DLG2: variants seen among roughly 807,000 people sequenced by gnomAD.
DLG2 encodes the protein disks large homolog 2.
Under a neutral mutation model 132.5 loss-of-function variants are expected in DLG2, and 45 were observed. The ratio of observed to expected loss-of-function variants is 0.34; its 90% CI spans 0.27 to 0.44. DLG2 has a LOEUF of 0.44. Among genes scored for constraint, DLG2 ranks in the 20% least tolerant of loss-of-function variants. DLG2 has a pLI of 1.00. For synonymous variants in DLG2, 424 were observed against 419.6 expected (o/e 1.01, Z -0.13); for missense variants, 1,045 against 1,196.9 (o/e 0.87, Z 1.87).
At chr11:84,538,477 G>A (rs1391891207) in intron 6 of DLG2, among the ~76,000 whole-genome samples, 5 of 152,120 alleles carry the variant, frequency 3.3e-5, no homozygotes, top group African/African-American at 1.2e-4. Context: ...CATACCTCAC[G>A]GTGAGACAAA....
At chr11:84,924,128 G>T (rs989156711) in intron 6 of DLG2, among the ~76,000 whole-genome samples, 2 of 152,060 alleles carry the variant, frequency 1.3e-5, no homozygotes, top group African/African-American at 4.8e-5. Flanking sequence ...ACATCCGTCA[G>T]ATCCTTCTAT....
At chr11:85,471,040 A>G (rs1342008413) in intron 3 of DLG2, among the ~76,000 whole-genome samples, 1 of 152,194 alleles carries the variant, frequency 6.6e-6, no homozygotes. Context: ...TTGAAAGACT[A>G]GGTTTCTCTC....
chr11:85,063,440 A>G (rs2064403077), intron 6 of DLG2, among the ~76,000 whole-genome samples: 1 of 151,838 alleles, frequency 6.6e-6, no homozygotes. Flanking sequence ...GGAGCAGTAA[A>G]TCTTCTACAC....
intron 6 of DLG2, chr11:85,021,357 T>C (rs2060048531): frequency 1.5e-6 from 2 of 1,310,334 alleles, no homozygotes; most frequent in Non-Finnish European, 2.2e-6. Context: ...GTGCTGCAGA[T>C]CGTTTCACAC....
Position 85,425,509 on chromosome 11 carries a change from T to A in DLG2, c.41-140144A>T, listed in dbSNP as rs184131296. Among the ~76,000 whole-genome samples the A allele has an allele frequency of 7.5e-4, 114 of 152,270 alleles. 2 individuals are homozygous for A. The East Asian group carries it at 0.018, about 24-fold the overall frequency. On this transcript the variant is annotated intron_variant, in intron 3 of 27. Coordinates refer to ENST00000376104, the MANE Select transcript of DLG2 (RefSeq NM_001142699.3). ...AAGTGGTACACTCATACATTACTGG[T>A]AACACTTTAAATTGAAAAAAAACTT...
At chr11:83,798,623 G>T (rs1353980828) in intron 17 of DLG2, among the ~76,000 whole-genome samples, 2 of 152,098 alleles carry the variant, frequency 1.3e-5, no homozygotes, top group African/African-American at 4.8e-5. Flanking sequence ...AATGAGACAG[G>T]TACAGAACAC....
intron 3 of DLG2, among the ~76,000 whole-genome samples, chr11:85,417,762 T>C (rs947063906): frequency 1.3e-5 from 2 of 152,206 alleles, no homozygotes; most frequent in East Asian, 1.9e-4. Flanking sequence ...CTGATGGTCA[T>C]TTGTATTTCT....
chr11:84,063,763 C>G (rs1366721260), intron 10 of DLG2, among the ~76,000 whole-genome samples: 1 of 152,132 alleles, frequency 6.6e-6, no homozygotes, highest in South Asian at 2.1e-4. Context: ...CACATATACA[C>G]CATGGAATAC....
At chr11:84,167,058 T>C (rs2095685301) in intron 8 of DLG2, 5 of 520,490 alleles carry the variant, frequency 9.6e-6, no homozygotes, top group Non-Finnish European at 2.0e-5. Flanking sequence ...GCCTCCTCTC[T>C]ACTTTGAGAA....
At chr11:84,245,734 C>A (rs2097294202) in intron 8 of DLG2, among the ~76,000 whole-genome samples, 1 of 152,236 alleles carries the variant, frequency 6.6e-6, no homozygotes, top group Admixed American at 6.5e-5. Context: ...CCAGGTCCCT[C>A]TGACACTTTG....
At chr11:83,915,698 T>G (rs747380726) in intron 15 of DLG2, among the ~76,000 whole-genome samples, 7 of 152,220 alleles carry the variant, frequency 4.6e-5, no homozygotes, top group Non-Finnish European at 1.0e-4. Flanking sequence ...ATTATTTAAC[T>G]TTTAAGTAAG....
chr11:84,849,599 T>A (rs998333236), intron 6 of DLG2, among the ~76,000 whole-genome samples: 1 of 152,162 alleles, frequency 6.6e-6, no homozygotes, highest in African/African-American at 2.4e-5. Context: ...TTATTTCTCA[T>A]CATCTCTTAG....
chr11:85,529,992 T>TG (rs2075078038), intron 3 of DLG2, among the ~76,000 whole-genome samples: 1 of 149,552 alleles, frequency 6.7e-6, no homozygotes. Flanking sequence ...GGTTTGTTTT[T>TG]TTTTTTTTTT....
chr11:85,603,664 C>T (rs556913569), intron 2 of DLG2, among the ~76,000 whole-genome samples: 27 of 148,890 alleles, frequency 1.8e-4, no homozygotes, highest in African/African-American at 5.9e-4. Flanking sequence ...ACCTATAATT[C>T]CAGCACTTTG....
At chr11:84,466,050 A>G (rs1407840874) in intron 7 of DLG2, among the ~76,000 whole-genome samples, 2 of 151,308 alleles carry the variant, frequency 1.3e-5, no homozygotes, top group East Asian at 3.9e-4. Context: ...AATTTAGTGT[A>G]TGATAAAGTT....
At position 83,541,713 on chromosome 11, in the gene DLG2, C is replaced by G. The variant is rs755005448; in HGVS notation, c.2086G>C (p.Glu696Gln). 3 of 1,611,438 alleles carry G rather than the reference C, an allele frequency of 1.9e-6. No homozygotes were observed. The South Asian group carries it at 3.3e-5, about 18-fold the overall frequency. ...ARRVMLEGDS[E>Q]EMGVIPSKRR... is the part of the protein sequence containing the mutation. ...TTGCTGGGGATGACCCCCATCTCCT[C>G]ACTGTCTCCCTCCAGCATGACTCTC... Residue 696 changes from glutamate (E) to glutamine (Q), a missense_variant, in exon 20 of 28, where the codon GAG becomes CAG. By Grantham distance (29) the Glu-to-Gln change is conservative (BLOSUM62 2). Around this residue, in one of 4 missense-constraint regions of DLG2, gnomAD observed 398 missense variants for 543.6 expected, o/e 0.73. Transcript: ENST00000376104.
At chr11:84,911,572 G>A (rs887795405) in intron 6 of DLG2, among the ~76,000 whole-genome samples, 3 of 151,884 alleles carry the variant, frequency 2.0e-5, no homozygotes, top group Admixed American at 6.6e-5. Context: ...AATGAATAAG[G>A]TTTTAAAATA....
chr11:84,944,260 T>C (rs955040338), intron 6 of DLG2, among the ~76,000 whole-genome samples: 2 of 152,208 alleles, frequency 1.3e-5, no homozygotes, highest in African/African-American at 4.8e-5. Context: ...GACTTTAGTA[T>C]TGATATCTTT....
chr11:85,383,207 G>A lies in DLG2; in HGVS notation c.41-97842C>T, dbSNP rs553456079. On this transcript the variant is annotated intron_variant, in intron 3 of 27. Transcript: ENST00000376104. ...ATGGATGACCTTGAAAACTTTAAGT[G>A]AGAGAAGCCAGTCATAAAAGGCTAC... Among the ~76,000 whole-genome samples, 8 of 152,236 alleles carry A rather than the reference G, an allele frequency of 5.3e-5. No individual in the cohort carries two copies. In the South Asian group the frequency reaches 1.7e-3, roughly 32 times the overall value.
Sources: gnomAD v4.1 joint callset for allele counts (sites outside exome capture counted in the v4.1 genomes callset) on GRCh38, gnomAD v4.1.1 for gene constraint, gnomAD v4.1.1 regional missense constraint, MANE v1.5 for transcripts, NCBI Gene and HGNC (gene_info 2026-07-23, HGNC 2026-07-21) for gene names.